Variants in TMEM68 observed in about 807,000 individuals in gnomAD.
The protein encoded by TMEM68 is transmembrane protein 68.
Under a neutral mutation model 36.9 loss-of-function variants are expected in TMEM68, and 25 were observed. The observed-to-expected ratio is 0.68, with a 90% CI of 0.49 to 0.95. TMEM68 has a LOEUF of 0.95. Ranked by LOEUF, TMEM68 falls within the 40% of genes least tolerant of loss-of-function variation. The probability of loss-of-function intolerance (pLI) is 0.00; values close to 1 mark genes in which losing one functional copy is unlikely to be tolerated. For missense variants in TMEM68, 333 were observed against 392.0 expected (o/e 0.85, Z 1.27); for synonymous variants, 131 against 124.4 (o/e 1.05, Z -0.35).
chr8:55,746,402 A>G (rs1201105127), intron 5 of TMEM68: 1 of 150,832 alleles, frequency 6.6e-6, no homozygotes, highest in Non-Finnish European at 1.5e-5. Flanking sequence ...TTTATTCTCC[A>G]AAAATATCAA....
chr8:55,762,903 A>G lies in TMEM68; in HGVS notation c.57T>C (p.Ile19=). The change falls in exon 3 of 8, where the codon ATT becomes ATC. Residue 19 remains isoleucine, a synonymous_variant. Transcript: ENST00000434581. ...GVGQDSVPYM[I]CLIHILEEWF... ...ATTCTTCGAGTATGTGAATCAGACAAATCATATAGGGCACAGAATCCTGTC... is the reference window on the plus strand; with the variant it reads ...ATTCTTCGAGTATGTGAATCAGACAGATCATATAGGGCACAGAATCCTGTC... The G allele has an allele frequency of 1.2e-6, 2 of 1,614,022 alleles. No homozygotes were observed. The highest frequency in any genetic ancestry group is 1.7e-6 in the Non-Finnish European group (2 of 1,179,968).
At chr8:55,772,849 TG>T (rs1811227787) in intron 1 of TMEM68, 1 of 152,970 alleles carries the variant, frequency 6.5e-6, no homozygotes, top group African/African-American at 2.4e-5. Context: ...CACTTCCCCT[TG>T]GCTTTTACAC....
At chr8:55,761,824 G>T (rs1585728549) in intron 3 of TMEM68, 1 of 152,170 alleles carries the variant, frequency 6.6e-6, no homozygotes, top group African/African-American at 2.4e-5. Context: ...TTTAAAGTCT[G>T]TGCTTCCTTC....
At chr8:55,741,102 C>T (rs1012064385) in intron 7 of TMEM68, among the ~76,000 whole-genome samples, 2 of 152,008 alleles carry the variant, frequency 1.3e-5, no homozygotes, top group Admixed American at 6.5e-5. Context: ...TGTGGTGGCA[C>T]ATGCCTGTAA....
chr8:55,754,721 A>G (rs1166330671), intron 4 of TMEM68, among the ~76,000 whole-genome samples: 7 of 128,762 alleles, frequency 5.4e-5, no homozygotes, highest in Non-Finnish European at 9.3e-5. Flanking sequence ...TATATATTAT[A>G]TATAAAATAC....
intron 5 of TMEM68, among the ~76,000 whole-genome samples, chr8:55,749,395 C>G (rs1248548925): frequency 6.6e-6 from 1 of 152,096 alleles, no homozygotes; most frequent in African/African-American, 2.4e-5. Flanking sequence ...AAATTTTGTT[C>G]ACAGCTTATA....
At position 55,773,298 on chromosome 8, in the gene TMEM68, G is replaced by C. The variant is rs536120933; in HGVS notation, c.-144C>G. On this transcript the variant is annotated 5_prime_UTR_variant, in exon 1 of 8. It adds an upstream start codon to the 5' untranslated region. Transcript: ENST00000434581. ...GAGCGGCGACAGAAGCTCTTCGGGG[G>C]ATCAGTGGCCAAGGGGGCGGACAGA... 11 of 220,170 alleles carry C rather than the reference G, an allele frequency of 5.0e-5. No individual in the cohort carries two copies. Among genetic ancestry groups the C allele is most frequent in the Admixed American group, 4.7e-4 (8 of 16,882 alleles). 13.6% of individuals were successfully genotyped at this position (220,170 alleles called of 1,614,324 possible).
At chr8:55,752,266 G>T (rs1210872815) in intron 4 of TMEM68, among the ~76,000 whole-genome samples, 1 of 151,786 alleles carries the variant, frequency 6.6e-6, no homozygotes, top group African/African-American at 2.4e-5. Context: ...AAAGATCTGA[G>T]GCAAGTTTAT....
intron 5 of TMEM68, chr8:55,746,455 A>G (rs1330754642): frequency 6.6e-6 from 1 of 152,046 alleles, no homozygotes; most frequent in African/African-American, 2.4e-5. Flanking sequence ...AAATACATAT[A>G]AAATAATGAA....
In TMEM68 at chr8:55,738,981, A is replaced by G. The variant is rs1810015988; in HGVS notation, c.*1151T>C. ...TTTTCAGAGGGCTTTGTGTTCACAT[A>G]AATTCATCATTCAGGCTGGGCATGG... On this transcript the variant is annotated 3_prime_UTR_variant, in exon 8 of 8. Coordinates refer to ENST00000434581, the MANE Select transcript of TMEM68 (RefSeq NM_001286657.2). 1 of 152,572 alleles carries G rather than the reference A, an allele frequency of 6.6e-6. No individual in the cohort carries two copies. Among genetic ancestry groups the G allele is most frequent in the Non-Finnish European group, 1.5e-5 (1 of 68,022 alleles). 9.5% of individuals were successfully genotyped at this position (152,572 alleles called of 1,614,324 possible).
chr8:55,745,227 C>G, intron 5 of TMEM68, 106 bp from the exon 6 acceptor site: 1 of 605,632 alleles, frequency 1.7e-6, no homozygotes, highest in Non-Finnish European at 2.6e-6. Context: ...AGAGAAAAGG[C>G]ACCTATGGCC....
At chr8:55,760,817 T>C (rs1810766592) in intron 3 of TMEM68, 2 of 152,208 alleles carry the variant, frequency 1.3e-5, no homozygotes, top group Admixed American at 6.5e-5. Flanking sequence ...ATTTTGTATG[T>C]TTCCATATTA....
chr8:55,751,005 G>T lies in TMEM68; in HGVS notation c.646C>A (p.His216Asn). ...GCAACCTGAGCAAAGCCTCTGCGAT[G>T]ACCCCATACGATGTTATAAGTTTCA... ...SDETYNIVWG[H>N]RRGFAQVAID... Residue 216 changes from histidine (H) to asparagine (N), a missense_variant, in exon 5 of 8, where the codon CAT becomes AAT. Transcript: ENST00000434581. The T allele has an allele frequency of 6.2e-7, 1 of 1,613,152 alleles. No individual in the cohort carries two copies. The highest frequency in any genetic ancestry group is 2.2e-5 in the East Asian group (1 of 44,858).
intron 3 of TMEM68, chr8:55,761,576 CTCA>C (rs1328940934): frequency 1.3e-5 from 2 of 152,162 alleles, no homozygotes; most frequent in African/African-American, 2.4e-5. Context: ...CCTCAGTTTC[CTCA>C]TGAGTATAAT....
chr8:55,740,073 C>G lies in TMEM68; in HGVS notation c.*59G>C, dbSNP rs892073889. 2.6e-5 allele frequency: 36 copies of G among 1,390,946 alleles called. No individual in the cohort carries two copies. Among genetic ancestry groups the G allele is most frequent in the Non-Finnish European group, 3.4e-5 (34 of 994,558 alleles). The allele number at this position is 1,390,946 out of a possible 1,614,324, so 86.2% of individuals were successfully genotyped here. A position where few individuals can be genotyped will look rare whatever the true frequency, so the allele number is the denominator to read the frequency against. ...ACCTACAAAATTCAGAAGACAGTAC[C>G]TTAGATACAAACATTTAATATAAAT... On this transcript the variant is annotated 3_prime_UTR_variant, in exon 8 of 8. Coordinates refer to ENST00000434581, the MANE Select transcript of TMEM68 (RefSeq NM_001286657.2).
intron 5 of TMEM68, among the ~76,000 whole-genome samples, chr8:55,748,612 A>C (rs1585711317): frequency 1.3e-5 from 2 of 151,596 alleles, no homozygotes; most frequent in Admixed American, 1.3e-4. Flanking sequence ...TATATGTATA[A>C]TTTTTTTATT....
rs770025398 is a variant in TMEM68, at chr8:55,740,201, T to C, written c.906A>G (p.Gln302=). 9 of 1,613,126 alleles carry C rather than the reference T, an allele frequency of 5.6e-6. No homozygotes were observed. The highest frequency in any genetic ancestry group is 1.6e-4 in the Middle Eastern group (1 of 6,076). The change falls in exon 8 of 8, where the codon CAA becomes CAG. Residue 302 remains glutamine, a synonymous_variant. Transcript: ENST00000434581. ...ELAEKTKNAV[Q]ALIDKHQRIP... is the part of the protein sequence containing the mutation. ...TTCTTTGGTGCTTATCAATCAAAGCTTGAACAGCATTCTTCGTCTATTAAG... is the reference window on the plus strand; with the variant it reads ...TTCTTTGGTGCTTATCAATCAAAGCCTGAACAGCATTCTTCGTCTATTAAG...
At chr8:55,768,016 C>T (rs1164893952) in intron 1 of TMEM68, among the ~76,000 whole-genome samples, 1 of 152,168 alleles carries the variant, frequency 6.6e-6, no homozygotes, top group East Asian at 1.9e-4. Flanking sequence ...GCAAGCCAGC[C>T]TCCTCCTTGC....
rs1811257736 is a variant in TMEM68, at chr8:55,773,343, C to T, written c.-189G>A. 1 of 337,708 alleles carries T rather than the reference C, an allele frequency of 3.0e-6. No individual in the cohort carries two copies. The highest frequency in any genetic ancestry group is 5.4e-6 in the Non-Finnish European group (1 of 184,432). 20.9% of individuals were successfully genotyped at this position (337,708 alleles called of 1,614,324 possible). On this transcript the variant is annotated 5_prime_UTR_variant, in exon 1 of 8. Transcript: ENST00000434581. Reference sequence around the variant, plus strand: ...GACAGATTTGCACGGCGGATTCCTCCGAAGCAACCCGTGTGAAAGAAGCCA... The same window carrying T: ...GACAGATTTGCACGGCGGATTCCTCTGAAGCAACCCGTGTGAAAGAAGCCA...
Sources: allele counts gnomAD v4.1 joint callset (sites outside exome capture counted in the v4.1 genomes callset), GRCh38; gene constraint gnomAD v4.1.1; transcripts MANE v1.5; gene names NCBI Gene and HGNC (gene_info 2026-07-23, HGNC 2026-07-21).